The following PLEKHG1 variants were observed in gnomAD, a reference collection of about 807,000 sequenced individuals.
PLEKHG1 encodes pleckstrin homology and RhoGEF domain containing G1, also known as pleckstrin homology domain-containing family G member 1.
Under a neutral mutation model 100.8 loss-of-function variants are expected in PLEKHG1, and 44 were observed. The ratio of observed to expected loss-of-function variants is 0.44; its 90% CI spans 0.34 to 0.56. The LOEUF (loss-of-function observed/expected upper bound fraction) is 0.56, where lower values mean the gene tolerates loss of function less well. Ranked by LOEUF, PLEKHG1 falls within the 20% of genes least tolerant of loss-of-function variation. The pLI, the probability that PLEKHG1 is intolerant of heterozygous loss-of-function variation, is 0.01. For missense variants in PLEKHG1, 1,545 were observed against 1,720.9 expected (o/e 0.90, Z 1.81); for synonymous variants, 640 against 662.5 (o/e 0.97, Z 0.52).
chr6:150,726,127 G>C lies in PLEKHG1; in HGVS notation c.-99+4927G>C, dbSNP rs190885177. ...CAGGGAGTGGGGAGAGGGAGAAACA[G>C]GGAGGTAATAGTGAAAGGATACAAA... On this transcript the variant is annotated intron_variant, in intron 1 of 15. Coordinates refer to ENST00000358517, the Ensembl canonical transcript of PLEKHG1. Among the ~76,000 whole-genome samples, 388 of 152,246 alleles carry C rather than the reference G, an allele frequency of 2.5e-3. 4 individuals carry two copies. Among genetic ancestry groups the C allele is most frequent in the Non-Finnish European group, 1.1e-3 (75 of 68,026 alleles).
intron 2 of PLEKHG1, among the ~76,000 whole-genome samples, chr6:150,738,705 C>A (rs868831886): frequency 6.6e-6 from 1 of 152,156 alleles, no homozygotes; most frequent in African/African-American, 2.4e-5. Context: ...CAACCCCTGT[C>A]CCCTCCCCAG....
rs574981957 is a variant in PLEKHG1 at position 150,658,161 on chromosome 6, A to G, written c.-99+7375A>G. 8.5e-5 allele frequency among the ~76,000 whole-genome samples: 13 copies of G among 152,264 alleles called. No individual in the cohort carries two copies. The East Asian group carries it at 2.5e-3, about 29-fold the overall frequency. Reference sequence around the variant, plus strand: ...TCATTTCAGTTGCATTGTCCAGGGTAGGCATACTTCAGAAGTCTGTGTTTT... The same window carrying G: ...TCATTTCAGTTGCATTGTCCAGGGTGGGCATACTTCAGAAGTCTGTGTTTT... On this transcript the variant is annotated intron_variant, in intron 3 of 3. Transcript: ENST00000367326.
At chr6:150,809,785 T>C (rs1165616087) in intron 10 of PLEKHG1, 51 bp downstream of exon 11, 2 of 1,396,242 alleles carry the variant, frequency 1.4e-6, no homozygotes, top group Non-Finnish European at 2.0e-6. Flanking sequence ...ACAAGAATCA[T>C]TTGAACCTGG....
intron 2 of PLEKHG1, among the ~76,000 whole-genome samples, chr6:150,768,107 A>T (rs1312657127): frequency 6.6e-6 from 1 of 152,232 alleles, no homozygotes; most frequent in Non-Finnish European, 1.5e-5. Flanking sequence ...TCTGTGGCTA[A>T]TTAACACAGC....
intron 2 of PLEKHG1, among the ~76,000 whole-genome samples, chr6:150,640,194 A>T (rs551799900): frequency 6.6e-6 from 1 of 152,224 alleles, no homozygotes; most frequent in Non-Finnish European, 1.5e-5. Context: ...GCAGAATGTG[A>T]TATTGACAGA....
chr6:150,687,887 T>C (rs943935544), intron 3 of PLEKHG1, among the ~76,000 whole-genome samples: 2 of 152,238 alleles, frequency 1.3e-5, no homozygotes, highest in African/African-American at 2.4e-5. Flanking sequence ...GCTAATCTAC[T>C]TTTAAGAGGT....
chr6:150,698,480 G>A (rs2128597213), intron 3 of PLEKHG1, among the ~76,000 whole-genome samples: 1 of 120,760 alleles, frequency 8.3e-6, no homozygotes, highest in East Asian at 2.6e-4. Flanking sequence ...CTGATTGCGT[G>A]TGTATACAAT....
chr6:150,726,408 A>G (rs1051159476), intron 1 of PLEKHG1, among the ~76,000 whole-genome samples: 5 of 152,202 alleles, frequency 3.3e-5, no homozygotes, highest in South Asian at 2.1e-4. Flanking sequence ...AAATATGTAT[A>G]ACTTTTTCTA....
intron 3 of PLEKHG1, among the ~76,000 whole-genome samples, chr6:150,692,897 G>C (rs1780396102): frequency 6.6e-6 from 1 of 152,214 alleles, no homozygotes; most frequent in East Asian, 1.9e-4. Flanking sequence ...CCAAGGGCAG[G>C]CGTTAGCATA....
chr6:150,690,054 G>A (rs1419687210), intron 3 of PLEKHG1, among the ~76,000 whole-genome samples: 1 of 152,072 alleles, frequency 6.6e-6, no homozygotes, highest in Admixed American at 6.6e-5. Flanking sequence ...TGTCAGAAGT[G>A]AACTCAGGAA....
At chr6:150,624,805 G>A (rs573216568) in intron 1 of PLEKHG1, 15 of 152,248 alleles carry the variant, frequency 9.9e-5, no homozygotes, top group South Asian at 2.1e-4. Flanking sequence ...CACCTTGTAC[G>A]AATTTCATAC....
chr6:150,643,686 G>A (rs1254810137), intron 2 of PLEKHG1, among the ~76,000 whole-genome samples: 1 of 152,170 alleles, frequency 6.6e-6, no homozygotes, highest in Non-Finnish European at 1.5e-5. Context: ...GTTTCTTGAA[G>A]ATACCATACT....
chr6:150,631,658 C>T (rs1414409348), intron 1 of PLEKHG1, among the ~76,000 whole-genome samples: 1 of 152,242 alleles, frequency 6.6e-6, no homozygotes, highest in Admixed American at 6.5e-5. Flanking sequence ...CATTTCAGAA[C>T]TCTTCTTTAC....
rs201587668 is a variant in PLEKHG1 at position 150,736,788 on chromosome 6, C to CA, written c.411+2702dup. 2.1e-3 allele frequency among the ~76,000 whole-genome samples: 313 copies of CA among 151,130 alleles called. 11 individuals are homozygous for CA. The East Asian group carries it at 0.051, about 24-fold the overall frequency. ...CATCTTTAAAAAACAAAAACAAAAA[C>CA]AAAAAATCAGATTAGCCAATTCACT... is the stretch of plus-strand genomic sequence containing the variant. On this transcript the variant is annotated intron_variant, in intron 2 of 15. Coordinates refer to ENST00000358517, the Ensembl canonical transcript of PLEKHG1.
chr6:150,617,051 A>T (rs1400048186), intron 1 of PLEKHG1, among the ~76,000 whole-genome samples: 3 of 152,240 alleles, frequency 2.0e-5, no homozygotes, highest in Non-Finnish European at 4.4e-5. Flanking sequence ...AGTGCAATTA[A>T]TGTAAGTTGT....
intron 3 of PLEKHG1, among the ~76,000 whole-genome samples, chr6:150,656,204 A>G (rs943567396): frequency 6.6e-6 from 1 of 152,146 alleles, no homozygotes; most frequent in African/African-American, 2.4e-5. Context: ...TCCTCATTGT[A>G]GACCCTTTAG....
intron 3 of PLEKHG1, among the ~76,000 whole-genome samples, chr6:150,700,148 C>T (rs1189102755): frequency 6.6e-6 from 1 of 152,184 alleles, no homozygotes; most frequent in Non-Finnish European, 1.5e-5. Flanking sequence ...GTCTCAGCTA[C>T]AGGGAGAGAA....
intron 3 of PLEKHG1, among the ~76,000 whole-genome samples, chr6:150,698,000 T>A (rs986512806): frequency 6.6e-6 from 1 of 152,124 alleles, no homozygotes; most frequent in African/African-American, 2.4e-5. Context: ...AAATGTTGGC[T>A]AATGCATCAA....
chr6:150,678,945 A>G (rs1354938428), intron 3 of PLEKHG1, among the ~76,000 whole-genome samples: 1 of 152,248 alleles, frequency 6.6e-6, no homozygotes, highest in Non-Finnish European at 1.5e-5. Flanking sequence ...CTGAATATCA[A>G]TTAATTATAA....
Sources: gnomAD v4.1 joint callset for allele counts (sites outside exome capture counted in the v4.1 genomes callset) on GRCh38, gnomAD v4.1.1 for gene constraint, MANE v1.5 for transcripts, NCBI Gene and HGNC (gene_info 2026-07-23, HGNC 2026-07-21) for gene names.